Variants in MYT1L observed in about 807,000 individuals in gnomAD.
MYT1L encodes the protein myelin transcription factor 1-like protein.
Under a neutral mutation model 126.7 loss-of-function variants are expected in MYT1L, and 12 were observed. That is an observed-to-expected ratio of 0.09 (90% confidence interval 0.06 to 0.15). MYT1L has a LOEUF of 0.15. MYT1L is among the 10% of genes least tolerant of loss of function. The pLI is 1.00. For synonymous variants in MYT1L, 541 were observed against 604.2 expected, an observed-to-expected ratio of 0.90 and a Z score of 1.53; for missense variants, 979 against 1,585.2, an observed-to-expected ratio of 0.62 and a Z score of 6.49.
intron 2 of MYT1L, among the ~76,000 whole-genome samples, chr2:2,250,473 C>A (rs2094615913): frequency 6.7e-6 from 1 of 148,330 alleles, no homozygotes; most frequent in Non-Finnish European, 1.5e-5. Context: ...CAATTGAACT[C>A]ATGAAGATAG....
chr2:1,976,879 A>C (rs2060228119), intron 8 of MYT1L, among the ~76,000 whole-genome samples: 1 of 152,220 alleles, frequency 6.6e-6, no homozygotes, highest in Admixed American at 6.5e-5. Context: ...ACCGTTTTAC[A>C]TAATAAAGTC....
At position 1,892,111 on chromosome 2, in the gene MYT1L, G is replaced by C. The variant is rs1197406368; in HGVS notation, c.2209C>G (p.Leu737Val). Reference sequence around the variant, plus strand: ...TCGCGGCAGCGCGTGGACAGGTTGAGGATGGCGGTGGCCGCCATGTGGGCC... The same window carrying C: ...TCGCGGCAGCGCGTGGACAGGTTGACGATGGCGGTGGCCGCCATGTGGGCC... ...EAAHMAATAILNLSTRCREMP... is the reference protein window; with the variant it reads ...EAAHMAATAIVNLSTRCREMP... The change falls in exon 15 of 25, where the codon CTC (leucine) becomes GTC (valine). Residue 737 changes from leucine (L) to valine (V), a missense_variant. Transcript: ENST00000647738. 1 of 1,546,122 alleles carries C rather than the reference G, an allele frequency of 6.5e-7. No homozygotes were observed. The highest frequency in any genetic ancestry group is 8.7e-7 in the Non-Finnish European group (1 of 1,146,622).
intron 8 of MYT1L, among the ~76,000 whole-genome samples, chr2:1,968,998 T>C (rs2059602744): frequency 6.6e-6 from 1 of 152,162 alleles, no homozygotes; most frequent in African/African-American, 2.4e-5. Context: ...TGCCCCATAG[T>C]CCTCACCCCA....
chr2:2,279,708 G>T (rs2095421384), intron 2 of MYT1L, among the ~76,000 whole-genome samples: 1 of 152,160 alleles, frequency 6.6e-6, no homozygotes, highest in Non-Finnish European at 1.5e-5. Context: ...TGTTGGCCAG[G>T]TAGTTTCGGG....
At chr2:2,038,509 G>T (rs1161953166) in intron 4 of MYT1L, among the ~76,000 whole-genome samples, 2 of 151,992 alleles carry the variant, frequency 1.3e-5, no homozygotes, top group African/African-American at 4.8e-5. Context: ...CTCTCCACTG[G>T]CCCAGTTCGG....
Position 2,224,345 on chromosome 2 carries a change from A to G in MYT1L, c.-420-51357T>C, listed in dbSNP as rs973387477. Among the ~76,000 whole-genome samples the G allele has an allele frequency of 1.3e-5, 2 of 152,122 alleles. No homozygotes were observed. Among genetic ancestry groups the G allele is most frequent in the Admixed American group, 1.3e-4 (2 of 15,264 alleles). On this transcript the variant is annotated intron_variant, in intron 2 of 24. Transcript: ENST00000647738. This position sits in a 1 kb window ranked among gnomAD's most constrained non-coding sequence, Gnocchi z 4.0. ...GAGACCTTCCAGCAGACAGCAAAGG[A>G]AGAAGGTCCATGGGCTCAGTGTCCC...
At chr2:2,133,141 A>G (rs1433653620) in intron 3 of MYT1L, among the ~76,000 whole-genome samples, 1 of 152,238 alleles carries the variant, frequency 6.6e-6, no homozygotes, top group African/African-American at 2.4e-5. Context: ...AAAGGCTCGC[A>G]TGCCAGCATT....
chr2:2,218,623 T>C (rs1332281417), intron 2 of MYT1L, among the ~76,000 whole-genome samples: 2 of 150,684 alleles, frequency 1.3e-5, no homozygotes, highest in Non-Finnish European at 3.0e-5. Context: ...GCATGAAGTT[T>C]ACCACTTGAC....
intron 4 of MYT1L, among the ~76,000 whole-genome samples, chr2:2,032,081 A>G (rs2066368656): frequency 7.5e-6 from 1 of 133,700 alleles, no homozygotes; most frequent in Admixed American, 7.3e-5. Flanking sequence ...TTCTAGAAGG[A>G]GGGCCTTACA....
intron 1 of MYT1L, among the ~76,000 whole-genome samples, chr2:2,311,257 G>A (rs540196285): frequency 6.6e-6 from 1 of 152,222 alleles, no homozygotes; most frequent in African/African-American, 2.4e-5. Context: ...ATTAAGACAC[G>A]AACCATGTTG....
At chr2:1,835,334 G>T (rs1330038691) in intron 21 of MYT1L, among the ~76,000 whole-genome samples, 1 of 152,156 alleles carries the variant, frequency 6.6e-6, no homozygotes, top group Non-Finnish European at 1.5e-5. Flanking sequence ...ACAAGGCCTA[G>T]TTACACAAAA....
intron 19 of MYT1L, among the ~76,000 whole-genome samples, chr2:1,845,525 G>T (rs530064532): frequency 2.0e-5 from 3 of 152,102 alleles, no homozygotes; most frequent in South Asian, 4.2e-4. Context: ...CCTCTTTAGC[G>T]CCTGCCTTCT....
chr2:1,975,593 G>A (rs2060108860), intron 8 of MYT1L, among the ~76,000 whole-genome samples: 1 of 152,158 alleles, frequency 6.6e-6, no homozygotes, highest in South Asian at 2.1e-4. Context: ...TCTGGGTGTG[G>A]TGGCATGCGC....
At chr2:2,016,333 C>T (rs2064385165) in intron 4 of MYT1L, among the ~76,000 whole-genome samples, 4 of 152,196 alleles carry the variant, frequency 2.6e-5, no homozygotes, top group Admixed American at 6.5e-5. Context: ...TTCAGGAAGA[C>T]TGGCCGGGAA....
chr2:2,102,608 G>GTA (rs2078234404), intron 3 of MYT1L, among the ~76,000 whole-genome samples: 1 of 122,110 alleles, frequency 8.2e-6, no homozygotes, highest in South Asian at 2.7e-4. Context: ...TTGGGAATGT[G>GTA]TGTGTGTGTG....
At position 2,156,477 on chromosome 2, in the gene MYT1L, T is replaced by C. The variant is rs73913229; in HGVS notation, c.-304+16395A>G. 8.8e-3 allele frequency among the ~76,000 whole-genome samples: 1,341 copies of C among 152,344 alleles called. 22 individuals carry two copies. The highest frequency in any genetic ancestry group is 0.027 in the African/African-American group (1,118 of 41,584). On this transcript the variant is annotated intron_variant, in intron 3 of 24. Transcript: ENST00000647738. The stretch of plus-strand genomic sequence containing the variant: ...AGCACAAGGCACTGACTGGCCAAAT[T>C]ATGTAAAATATGTTTACTAAATCTC...
At chr2:2,080,621 C>A (rs2075717765) in intron 3 of MYT1L, among the ~76,000 whole-genome samples, 1 of 151,986 alleles carries the variant, frequency 6.6e-6, no homozygotes, top group Admixed American at 6.5e-5. Flanking sequence ...CAAATAAAAA[C>A]CACAATAGAT....
intron 2 of MYT1L, among the ~76,000 whole-genome samples, chr2:2,233,756 A>G (rs2094216390): frequency 1.3e-5 from 2 of 152,144 alleles, no homozygotes; most frequent in Non-Finnish European, 2.9e-5. Flanking sequence ...TTTAGTAGCT[A>G]TCATGTTGAA....
intron 14 of MYT1L, among the ~76,000 whole-genome samples, chr2:1,894,183 C>A (rs1004171444): frequency 6.6e-6 from 1 of 152,228 alleles, no homozygotes; most frequent in Non-Finnish European, 1.5e-5. Flanking sequence ...CCCTGAGAAG[C>A]GTGTCTGAGT....
Sources: allele counts gnomAD v4.1 joint callset (sites outside exome capture counted in the v4.1 genomes callset), GRCh38; gene constraint gnomAD v4.1.1; non-coding constraint Gnocchi (gnomAD v3.1); transcripts MANE v1.5; gene names NCBI Gene and HGNC (gene_info 2026-07-23, HGNC 2026-07-21).